CNTN1: variants seen among roughly 807,000 people sequenced by gnomAD.
CNTN1 encodes contactin 1, also known as contactin-1.
CNTN1 carries 38 observed loss-of-function variants against 126.4 expected under a neutral mutation model. That is an observed-to-expected ratio of 0.30 (90% confidence interval 0.23 to 0.39). The LOEUF (loss-of-function observed/expected upper bound fraction) is 0.39. CNTN1 is among the 10% of genes least tolerant of loss of function. The pLI, the probability that CNTN1 is intolerant of heterozygous loss-of-function variation, is 1.00. For synonymous variants in CNTN1, 413 were observed against 422.6 expected (o/e 0.98, Z 0.28); for missense variants, 1,009 against 1,248.4 (o/e 0.81, Z 2.89).
chr12:41,016,699 CCA>C lies in CNTN1; in HGVS notation c.2204_2205del (p.His735LeufsTer12). The C allele has an allele frequency of 2.5e-6, 4 of 1,613,142 alleles. No homozygotes were observed. The highest frequency in any genetic ancestry group is 3.4e-6 in the Non-Finnish European group (4 of 1,179,116). On this transcript the variant is annotated frameshift_variant, in exon 19 of 24. Transcript: ENST00000551295. LOFTEE classifies it high-confidence loss of function. ...CTATTTAGCCTTTGTCAAGAGAATA[CCA>C]CTATGGCAACAATTTTGGTTACATA... ...ITWAPLSREY[H>X]YGNNFGYIVA...
intron 23 of CNTN1, among the ~76,000 whole-genome samples, chr12:41,040,979 C>T (rs1307706192): frequency 7.0e-6 from 1 of 142,614 alleles, no homozygotes; most frequent in East Asian, 2.0e-4. Flanking sequence ...GAGAGGGCAT[C>T]CCTGTCTTGT....
chr12:40,979,155 A>G (rs1947758294), intron 15 of CNTN1: 1 of 152,198 alleles, frequency 6.6e-6, no homozygotes, highest in African/African-American at 2.4e-5. Flanking sequence ...AAGAAGTCTA[A>G]GTATACTATT....
chr12:40,957,219 C>A (rs1296867046), intron 14 of CNTN1, among the ~76,000 whole-genome samples: 1 of 151,774 alleles, frequency 6.6e-6, no homozygotes, highest in East Asian at 1.9e-4. Context: ...AAAAATCAAA[C>A]AATCAAACAG....
chr12:40,908,612 G>A, intron 2 of CNTN1, 119 bp downstream of exon 2: 3 of 678,880 alleles, frequency 4.4e-6, no homozygotes, highest in Non-Finnish European at 7.5e-6. Context: ...GGTCAGATAA[G>A]TAGATAAATA....
chr12:40,808,762 C>T (rs1940951705), intron 1 of CNTN1, among the ~76,000 whole-genome samples: 1 of 152,040 alleles, frequency 6.6e-6, no homozygotes, highest in African/African-American at 2.4e-5. Flanking sequence ...TCACAGCCCA[C>T]ATCAGTGAAT....
chr12:40,924,931 A>AG (rs1945591162), intron 6 of CNTN1, among the ~76,000 whole-genome samples: 1 of 134,014 alleles, frequency 7.5e-6, no homozygotes, highest in Non-Finnish European at 1.6e-5. Context: ...CCTATTCCAT[A>AG]GGGAAATTCT....
chr12:40,962,978 T>C (rs558844757), intron 15 of CNTN1, among the ~76,000 whole-genome samples: 1 of 152,204 alleles, frequency 6.6e-6, no homozygotes, highest in South Asian at 2.1e-4. Flanking sequence ...GTCTAACATA[T>C]AAAATCGAAG....
chr12:40,775,150 T>C (rs1221555019), intron 1 of CNTN1, among the ~76,000 whole-genome samples: 1 of 111,542 alleles, frequency 9.0e-6, no homozygotes, highest in African/African-American at 2.9e-5. Flanking sequence ...TATTGTTCTT[T>C]CTAATGTTTA....
chr12:40,792,908 G>A (rs1346458969), intron 1 of CNTN1, among the ~76,000 whole-genome samples: 3 of 151,986 alleles, frequency 2.0e-5, no homozygotes, highest in South Asian at 2.1e-4. Flanking sequence ...CTATTCAGAC[G>A]GGTTACAGAC....
intron 15 of CNTN1, chr12:40,972,186 C>T: frequency 1.0e-6 from 1 of 985,346 alleles, no homozygotes; most frequent in South Asian, 4.7e-5. Flanking sequence ...AAGCCATTAA[C>T]AGCATGCATT....
intron 17 of CNTN1, among the ~76,000 whole-genome samples, chr12:40,994,208 G>A (rs1040661151): frequency 6.6e-6 from 1 of 152,002 alleles, no homozygotes; most frequent in Non-Finnish European, 1.5e-5. Context: ...GAAGGAGGGA[G>A]GCCTACATCT....
intron 23 of CNTN1, among the ~76,000 whole-genome samples, chr12:41,030,356 A>T (rs1949123082): frequency 6.6e-6 from 1 of 152,092 alleles, no homozygotes; most frequent in South Asian, 2.1e-4. Flanking sequence ...GCCACAATAC[A>T]TATATACATC....
chr12:40,843,770 G>T (rs140966124), intron 1 of CNTN1, among the ~76,000 whole-genome samples: 1 of 152,078 alleles, frequency 6.6e-6, no homozygotes, highest in Non-Finnish European at 1.5e-5. Context: ...TGTCTGGTTG[G>T]GCCTGGTTTG....
chr12:40,944,648 A>G (rs11179141), intron 14 of CNTN1, among the ~76,000 whole-genome samples: 17,843 of 151,816 alleles, frequency 0.12, 1,102 homozygotes, highest in Non-Finnish European at 0.12. Context: ...AAATGGCTAT[A>G]TTTTAAGAAT....
At chr12:41,044,698 T>A (rs1461991656) in intron 23 of CNTN1, among the ~76,000 whole-genome samples, 1 of 152,030 alleles carries the variant, frequency 6.6e-6, no homozygotes, top group Non-Finnish European at 1.5e-5. Context: ...GGAACTCCCA[T>A]ATATAGTGAG....
intron 1 of CNTN1, among the ~76,000 whole-genome samples, chr12:40,808,387 G>A (rs1940938700): frequency 6.6e-6 from 1 of 152,078 alleles, no homozygotes; most frequent in Admixed American, 6.6e-5. Context: ...TTCCACCATG[G>A]TTGATTCCAA....
At chr12:41,065,983 G>A (rs946122171) in intron 23 of CNTN1, among the ~76,000 whole-genome samples, 12 of 152,268 alleles carry the variant, frequency 7.9e-5, no homozygotes, top group South Asian at 6.2e-4. Flanking sequence ...AATTTTCAAC[G>A]CAAGCATCCA....
intron 1 of CNTN1, among the ~76,000 whole-genome samples, chr12:40,747,416 CA>C: frequency 6.6e-6 from 1 of 150,940 alleles, no homozygotes; most frequent in African/African-American, 2.4e-5. Context: ...GAATTATAGA[CA>C]AAAAAAGATG....
intron 17 of CNTN1, among the ~76,000 whole-genome samples, chr12:41,010,357 G>C (rs1948615526): frequency 6.6e-6 from 1 of 152,154 alleles, no homozygotes; most frequent in South Asian, 2.1e-4. Context: ...TGCTGCCTGG[G>C]CACTCTTTCT....
Sources: allele counts gnomAD v4.1 joint callset (sites outside exome capture counted in the v4.1 genomes callset), GRCh38; gene constraint gnomAD v4.1.1; transcripts MANE v1.5; gene names NCBI Gene and HGNC (gene_info 2026-07-23, HGNC 2026-07-21).